Variants in SEC61A2 observed in about 807,000 individuals in gnomAD.
The protein encoded by SEC61A2 is SEC61 translocon subunit alpha 2, also known as protein transport protein Sec61 subunit alpha isoform 2.
SEC61A2 carries 28 observed loss-of-function variants against 59.9 expected under a neutral mutation model. The ratio of observed to expected loss-of-function variants is 0.47; its 90% CI spans 0.35 to 0.64. SEC61A2 has a LOEUF of 0.64. Ranked by LOEUF, SEC61A2 falls within the 30% of genes least tolerant of loss-of-function variation. The pLI is 0.01. For missense variants in SEC61A2, 340 were observed against 585.9 expected (o/e 0.58, Z 4.33); for synonymous variants, 202 against 214.4 (o/e 0.94, Z 0.50).
rs1263055440 is a variant in SEC61A2, at chr10:12,158,962, C to A, written c.975+857C>A. Among the ~76,000 whole-genome samples the A allele has an allele frequency of 6.6e-6, 1 of 151,682 alleles. No homozygotes were observed. Among genetic ancestry groups the A allele is most frequent in the South Asian group, 2.1e-4 (1 of 4,764 alleles). On this transcript the variant is annotated intron_variant, in intron 9 of 11. Coordinates refer to ENST00000298428, the MANE Select transcript of SEC61A2 (RefSeq NM_018144.4). This position sits in a 1 kb window ranked among gnomAD's most constrained non-coding sequence, Gnocchi z 5.7. ...ATCCTATACATTCTCATATACATCC[C>A]CCATCATAATTTTTTTTTCTTTTTT... is the stretch of plus-strand genomic sequence containing the variant.
chr10:12,141,693 T>C (rs1478474867), intron 3 of SEC61A2, among the ~76,000 whole-genome samples: 1 of 152,244 alleles, frequency 6.6e-6, no homozygotes, highest in East Asian at 1.9e-4. Context: ...TCATAGTTTA[T>C]ATATACACTT....
rs79987040 is a variant in SEC61A2 at position 12,145,131 on chromosome 10, A to C, written c.220+1936A>C. Among the ~76,000 whole-genome samples, 1 of 152,112 alleles carries C rather than the reference A, an allele frequency of 6.6e-6. No homozygotes were observed. The highest frequency in any genetic ancestry group is 1.5e-5 in the Non-Finnish European group (1 of 68,026). ...GAGGAGTGATGGGACCTGATGTTGC[A>C]GATGTATCTAAGTCAGATCATGAAG... On this transcript the variant is annotated intron_variant, in intron 4 of 11. Transcript: ENST00000298428. This position sits in a 1 kb window ranked among gnomAD's most constrained non-coding sequence, Gnocchi z 4.4.
chr10:12,155,518 A>G lies in SEC61A2; in HGVS notation c.463-260A>G, dbSNP rs1164718927. On this transcript the variant is annotated intron_variant, in intron 6 of 11. Coordinates refer to ENST00000298428, the MANE Select transcript of SEC61A2 (RefSeq NM_018144.4). The surrounding 1 kb of genome is among the most constrained non-coding windows in gnomAD (Gnocchi z 4.3). Reference sequence around the variant, plus strand: ...TTATTTAAACATTGCAAAAGAAACTATTCAGATAAGTGTAAATAGACTTTA... The same window carrying G: ...TTATTTAAACATTGCAAAAGAAACTGTTCAGATAAGTGTAAATAGACTTTA... 4.4e-6 allele frequency: 3 copies of G among 689,204 alleles called. No individual in the cohort carries two copies. The highest frequency in any genetic ancestry group is 2.7e-5 in the East Asian group (1 of 36,696). 42.7% of individuals were successfully genotyped at this position (689,204 alleles called of 1,614,324 possible).
chr10:12,168,214 G>A (rs554704275), downstream of SEC61A2, among the ~76,000 whole-genome samples: 6 of 152,160 alleles, frequency 3.9e-5, no homozygotes, highest in Admixed American at 2.0e-4. The surrounding 1 kb of genome is among the most constrained non-coding windows in gnomAD (Gnocchi z 4.8). Context: ...TAGTAGAGAC[G>A]GGGTTTTTGC....
downstream of SEC61A2, among the ~76,000 whole-genome samples, chr10:12,168,382 A>G (rs1179181299): frequency 6.6e-6 from 1 of 152,144 alleles, no homozygotes; most frequent in East Asian, 1.9e-4. The surrounding 1 kb of genome is among the most constrained non-coding windows in gnomAD (Gnocchi z 4.8). Flanking sequence ...CAATCGCTAT[A>G]CCTCATTTAT....
intron 4 of SEC61A2, among the ~76,000 whole-genome samples, chr10:12,147,050 C>T (rs1052243642): frequency 5.3e-5 from 8 of 152,082 alleles, no homozygotes; most frequent in Non-Finnish European, 1.0e-4. Flanking sequence ...ACCACCATGT[C>T]TGACTAGTAT....
intron 11 of SEC61A2, among the ~76,000 whole-genome samples, chr10:12,163,672 TTTG>T (rs953197910): frequency 6.6e-6 from 1 of 152,084 alleles, no homozygotes; most frequent in African/African-American, 2.4e-5. Context: ...CCCAGCATCA[TTTG>T]TTGAAAAGGC....
chr10:12,134,366 C>T lies in SEC61A2; in HGVS notation c.75+1058C>T, dbSNP rs528894204. ...GTTGTTCCATTAACATTTAAGGCAT[C>T]CTGAGAAACCCTGGCTTTGCAGTCT... On this transcript the variant is annotated intron_variant, in intron 2 of 11. Coordinates refer to ENST00000298428, the MANE Select transcript of SEC61A2 (RefSeq NM_018144.4). 2.0e-5 allele frequency among the ~76,000 whole-genome samples: 3 copies of T among 152,222 alleles called. No homozygotes were observed. The East Asian group carries it at 5.8e-4, about 29-fold the overall frequency.
chr10:12,165,215 C>A lies in SEC61A2; in HGVS notation c.*761C>A. 2 of 985,394 alleles carry A rather than the reference C, an allele frequency of 2.0e-6. No individual in the cohort carries two copies. The highest frequency in any genetic ancestry group is 2.4e-6 in the Non-Finnish European group (2 of 829,914). 61.0% of individuals were successfully genotyped at this position (985,394 alleles called of 1,614,324 possible). On this transcript the variant is annotated 3_prime_UTR_variant, in exon 12 of 12. Coordinates refer to ENST00000298428, the MANE Select transcript of SEC61A2 (RefSeq NM_018144.4). ...CCCCGATTCTTTTCTGTTTAAATCC[C>A]TAAAGCAAAGATCTAATTCTCAAGC... is the stretch of plus-strand genomic sequence containing the variant.
At position 12,164,640 on chromosome 10, in the gene SEC61A2, A is replaced by C; in HGVS notation, c.*186A>C. 1 of 1,376,156 alleles carries C rather than the reference A, an allele frequency of 7.3e-7. No individual in the cohort carries two copies. The highest frequency in any genetic ancestry group is 9.3e-7 in the Non-Finnish European group (1 of 1,071,876). The allele number at this position is 1,376,156 out of a possible 1,614,324, so 85.2% of individuals were successfully genotyped here. ...CAGCATTAGTACCCGCTGCCTTAAA[A>C]CTCAAGTTTACATTATTCATTAAAA... On this transcript the variant is annotated 3_prime_UTR_variant, in exon 12 of 12. Transcript: ENST00000298428. The surrounding 1 kb of genome is among the most constrained non-coding windows in gnomAD (Gnocchi z 7.3).
chr10:12,167,974 C>A, downstream of SEC61A2: 2 of 1,297,704 alleles, frequency 1.5e-6, no homozygotes, highest in Non-Finnish European at 2.0e-6. Context: ...AGAATAAAGA[C>A]TATAAAGGCA....
rs948425766 is a variant in SEC61A2, at chr10:12,154,309, A to G, written c.463-1469A>G. On this transcript the variant is annotated intron_variant, in intron 6 of 11. Coordinates refer to ENST00000298428, the MANE Select transcript of SEC61A2 (RefSeq NM_018144.4). This position sits in a 1 kb window ranked among gnomAD's most constrained non-coding sequence, Gnocchi z 5.2. ...AACCCAAGTTTAATTTTCACAGGAC[A>G]TATGTGAACCACTCTGTAGTCCGAT... Among the ~76,000 whole-genome samples the G allele has an allele frequency of 6.6e-6, 1 of 152,140 alleles. No homozygotes were observed. Among genetic ancestry groups the G allele is most frequent in the African/African-American group, 2.4e-5 (1 of 41,430 alleles).
intron 3 of SEC61A2, among the ~76,000 whole-genome samples, chr10:12,138,876 A>G (rs116386445): frequency 0.026 from 3,999 of 152,300 alleles, 166 homozygotes; most frequent in African/African-American, 0.09. Context: ...CCTTAGAAGT[A>G]CAGCTGTTGG....
rs913193530 is a variant in SEC61A2, at chr10:12,152,875, G to A, written c.463-2903G>A. ...CAGCCTGGCGACAGAGCGGGACTCC[G>A]TCTCAAAAACTAAAACAAAATAAAA... On this transcript the variant is annotated intron_variant, in intron 6 of 11. Coordinates refer to ENST00000298428, the MANE Select transcript of SEC61A2 (RefSeq NM_018144.4). The surrounding 1 kb of genome is among the most constrained non-coding windows in gnomAD (Gnocchi z 5.5). Among the ~76,000 whole-genome samples the A allele has an allele frequency of 3.3e-5, 5 of 151,628 alleles. No homozygotes were observed. The highest frequency in any genetic ancestry group is 4.8e-5 in the African/African-American group (2 of 41,248).
At chr10:12,167,395 C>T (rs879753384), downstream of SEC61A2, 1 of 273,142 alleles carries the variant, frequency 3.7e-6, no homozygotes, top group Admixed American at 5.0e-5. Flanking sequence ...TACAAATACC[C>T]CTGTCTACCA....
At position 12,164,422 on chromosome 10, in the gene SEC61A2, G is replaced by A. The variant is rs943529636; in HGVS notation, c.1399G>A (p.Glu467Lys). ...TGAAATATTTGTTAAAGAACAGGCC[G>A]AAGTTGGTGGGATGGGTGCTTTGTT... ...YFEIFVKEQA[E>K]VGGMGALFF The change falls in exon 12 of 12, where the codon GAA becomes AAA. Residue 467 changes from glutamate (E) to lysine (K), a missense_variant. Glu to Lys is a moderately conservative substitution (Grantham distance 56). Around this residue, in one of 3 missense-constraint regions of SEC61A2, gnomAD observed 283 missense variants for 483.2 expected, o/e 0.59. Coordinates refer to ENST00000298428, the MANE Select transcript of SEC61A2 (RefSeq NM_018144.4). The surrounding 1 kb of genome is among the most constrained non-coding windows in gnomAD (Gnocchi z 7.3). 6.2e-7 allele frequency: 1 copy of A among 1,613,100 alleles called. No individual in the cohort carries two copies. Among genetic ancestry groups the A allele is most frequent in the Non-Finnish European group, 8.5e-7 (1 of 1,179,578 alleles).
chr10:12,144,175 G>T (rs552370689), intron 4 of SEC61A2, among the ~76,000 whole-genome samples: 1 of 152,160 alleles, frequency 6.6e-6, no homozygotes, highest in Admixed American at 6.6e-5. Flanking sequence ...GGTTATAAAG[G>T]TAATATTGAT....
At chr10:12,141,588 G>T (rs1249616077) in intron 3 of SEC61A2, among the ~76,000 whole-genome samples, 1 of 152,172 alleles carries the variant, frequency 6.6e-6, no homozygotes, top group Non-Finnish European at 1.5e-5. Context: ...AGAAGAAAAA[G>T]TCAACCATAA....
At position 12,130,120 on chromosome 10, in the gene SEC61A2, A is replaced by G. The variant is rs559919260; in HGVS notation, c.7+326A>G. ...CACTTTTTAATTTTTCAGGAGTTAA[A>G]GAAATCCCGTGTTTTTATTCCCTCG... On this transcript the variant is annotated intron_variant, in intron 1 of 11. Coordinates refer to ENST00000298428, the MANE Select transcript of SEC61A2 (RefSeq NM_018144.4). Among the ~76,000 whole-genome samples the G allele has an allele frequency of 2.0e-5, 3 of 152,308 alleles. No individual in the cohort carries two copies. In the South Asian group the frequency reaches 6.2e-4, roughly 32 times the overall value.
Sources: gnomAD v4.1 joint callset for allele counts (sites outside exome capture counted in the v4.1 genomes callset) on GRCh38, gnomAD v4.1.1 for gene constraint, gnomAD v4.1.1 regional missense constraint, Gnocchi (gnomAD v3.1) non-coding constraint, MANE v1.5 for transcripts, NCBI Gene and HGNC (gene_info 2026-07-23, HGNC 2026-07-21) for gene names.